The following BMP7 variants were observed in gnomAD, a reference collection of about 807,000 sequenced individuals.
BMP7 encodes the protein osteogenic protein 1.
A neutral mutation model predicts 41.2 loss-of-function variants in BMP7; 12 were observed. The ratio of observed to expected loss-of-function variants is 0.29; its 90% CI spans 0.19 to 0.47. The LOEUF (loss-of-function observed/expected upper bound fraction) is 0.47, where lower values mean the gene tolerates loss of function less well. BMP7 is among the 20% of genes least tolerant of loss of function. The pLI is 0.99. For missense variants in BMP7, 467 were observed against 606.0 expected (o/e 0.77, Z 2.41); for synonymous variants, 248 against 250.0 (o/e 0.99, Z 0.07).
intron 3 of BMP7, among the ~76,000 whole-genome samples, chr20:57,199,516 G>T (rs111533518): frequency 0.053 from 8,002 of 152,242 alleles, 717 homozygotes; most frequent in African/African-American, 0.18. Context: ...GGGAAAAGGG[G>T]CATATTCCTG....
intron 3 of BMP7, among the ~76,000 whole-genome samples, 192 bp downstream of exon 3, chr20:57,202,283 A>C (rs1032673394): frequency 2.6e-5 from 4 of 152,062 alleles, no homozygotes; most frequent in African/African-American, 9.7e-5. Context: ...TGCTATGACC[A>C]AACATGTAAT....
intron 1 of BMP7, among the ~76,000 whole-genome samples, chr20:57,264,115 C>T (rs1222045656): frequency 2.0e-5 from 3 of 152,210 alleles, no homozygotes; most frequent in Admixed American, 6.5e-5. Context: ...GGCATCTAAA[C>T]CTCCCACCCC....
chr20:57,212,939 T>C (rs1984929321), intron 2 of BMP7, among the ~76,000 whole-genome samples: 1 of 152,148 alleles, frequency 6.6e-6, no homozygotes, highest in African/African-American at 2.4e-5. Flanking sequence ...CATAGAACAG[T>C]CCCTGGCATC....
Position 57,214,923 on chromosome 20 carries a change from T to G in BMP7, c.612-12300A>C, listed in dbSNP as rs3764676. ...TCAGATGCACGCTGGACAAATGTGC[T>G]GGTATCCTCTGCATCCTTATGGCCA... On this transcript the variant is annotated intron_variant, in intron 2 of 6. Coordinates refer to ENST00000395863, the MANE Select transcript of BMP7 (RefSeq NM_001719.3). This position sits in a 1 kb window ranked among gnomAD's most constrained non-coding sequence, Gnocchi z 4.0. The G allele has an allele frequency of 6.6e-6, 1 of 152,294 alleles. No individual in the cohort carries two copies. The highest frequency in any genetic ancestry group is 2.4e-5 in the African/African-American group (1 of 41,482). The allele number at this position is 152,294 out of a possible 1,614,324, so 9.4% of individuals were successfully genotyped here.
chr20:57,243,377 G>A (rs1399847533), intron 1 of BMP7, among the ~76,000 whole-genome samples: 1 of 152,096 alleles, frequency 6.6e-6, no homozygotes, highest in East Asian at 1.9e-4. Context: ...TACTCAGGAG[G>A]CTGAGGCACA....
intron 3 of BMP7, 35 bp from the exon 4 acceptor site, chr20:57,183,954 G>C (rs751780651): frequency 6.2e-7 from 1 of 1,608,052 alleles, no homozygotes; most frequent in Non-Finnish European, 8.5e-7. Context: ...CAGAAGAGTA[G>C]TTACAGGAGG....
intron 3 of BMP7, among the ~76,000 whole-genome samples, chr20:57,195,097 C>A (rs1308249532): frequency 6.6e-6 from 1 of 152,228 alleles, no homozygotes; most frequent in Non-Finnish European, 1.5e-5. Flanking sequence ...CGCTGGCAAA[C>A]CCCAGACGAC....
intron 2 of BMP7, among the ~76,000 whole-genome samples, chr20:57,210,536 A>T (rs1397648367): frequency 6.6e-6 from 1 of 152,206 alleles, no homozygotes; most frequent in Admixed American, 6.5e-5. Flanking sequence ...TAAGACTCCC[A>T]TGTGGGATGC....
chr20:57,249,365 G>T (rs571901415), intron 1 of BMP7, among the ~76,000 whole-genome samples: 1 of 152,102 alleles, frequency 6.6e-6, no homozygotes, highest in African/African-American at 2.4e-5. Flanking sequence ...AACGGAAGAA[G>T]CAGTGATCTG....
intron 1 of BMP7, among the ~76,000 whole-genome samples, chr20:57,253,679 T>C (rs1415609449): frequency 6.6e-6 from 1 of 152,190 alleles, no homozygotes; most frequent in Non-Finnish European, 1.5e-5. Flanking sequence ...GATGAGCTCA[T>C]GGACATCCAT....
At chr20:57,237,998 C>T (rs185311033) in intron 1 of BMP7, among the ~76,000 whole-genome samples, 5 of 152,304 alleles carry the variant, frequency 3.3e-5, no homozygotes, top group East Asian at 3.9e-4. Flanking sequence ...ACCACTTTTA[C>T]GTGTACAGTT....
chr20:57,204,275 C>G (rs1019467799), intron 2 of BMP7, among the ~76,000 whole-genome samples: 1 of 152,224 alleles, frequency 6.6e-6, no homozygotes, highest in South Asian at 2.1e-4. Flanking sequence ...GCCCCCAGCT[C>G]TCCGTACTAA....
rs1983777466 is a variant in BMP7, at chr20:57,169,942, A to T, written c.*1017T>A. ...CGGCTAATTTTTGTATTTTTAGTAG[A>T]GATGGGGTTTCACCATGTTGGCCAG... On this transcript the variant is annotated 3_prime_UTR_variant, in exon 7 of 7. Transcript: ENST00000395863. 1 of 152,188 alleles carries T rather than the reference A, an allele frequency of 6.6e-6. No homozygotes were observed. The highest frequency in any genetic ancestry group is 6.5e-5 in the Admixed American group (1 of 15,268). The allele number at this position is 152,188 out of a possible 1,614,324, so 9.4% of individuals were successfully genotyped here.
At chr20:57,194,044 G>A (rs1984437046) in intron 3 of BMP7, among the ~76,000 whole-genome samples, 1 of 152,210 alleles carries the variant, frequency 6.6e-6, no homozygotes, top group Non-Finnish European at 1.5e-5. Flanking sequence ...ACCCTTTCCA[G>A]CATCCCCTGC....
chr20:57,194,951 A>C (rs1243546582), intron 3 of BMP7, among the ~76,000 whole-genome samples: 1 of 152,202 alleles, frequency 6.6e-6, no homozygotes, highest in African/African-American at 2.4e-5. Flanking sequence ...CCAGGCATAG[A>C]TGTAGGTGAC....
At chr20:57,249,151 G>C (rs1045162100) in intron 1 of BMP7, among the ~76,000 whole-genome samples, 3 of 152,058 alleles carry the variant, frequency 2.0e-5, no homozygotes, top group Non-Finnish European at 4.4e-5. Flanking sequence ...ACAGAAGCAG[G>C]TAGTGGCCAT....
intron 2 of BMP7, among the ~76,000 whole-genome samples, chr20:57,216,748 G>A (rs1248438190): frequency 2.0e-5 from 3 of 152,154 alleles, no homozygotes; most frequent in Non-Finnish European, 2.9e-5. Flanking sequence ...AAGCCTCGAG[G>A]TCTGCGGCTC....
At chr20:57,241,321 G>A (rs1282289656) in intron 1 of BMP7, among the ~76,000 whole-genome samples, 1 of 152,206 alleles carries the variant, frequency 6.6e-6, no homozygotes, top group Admixed American at 6.5e-5. Flanking sequence ...TCAAAGTGAA[G>A]GTTCTGCATC....
chr20:57,265,587 C>G, intron 1 of BMP7, 118 bp downstream of exon 1: 1 of 1,472,688 alleles, frequency 6.8e-7, no homozygotes, highest in Non-Finnish European at 9.2e-7. Context: ...CGGGCAGGCA[C>G]TGCGATTTCA....
Sources: allele counts gnomAD v4.1 joint callset (sites outside exome capture counted in the v4.1 genomes callset), GRCh38; gene constraint gnomAD v4.1.1; non-coding constraint Gnocchi (gnomAD v3.1); transcripts MANE v1.5; gene names NCBI Gene and HGNC (gene_info 2026-07-23, HGNC 2026-07-21).